The following AHCYL2 variants were observed in gnomAD, a reference collection of about 807,000 sequenced individuals.
AHCYL2 encodes the protein adenosylhomocysteinase like 2.
A neutral mutation model predicts 81.4 loss-of-function variants in AHCYL2; 28 were observed. The ratio of observed to expected loss-of-function variants is 0.34; its 90% CI spans 0.25 to 0.47. The LOEUF is 0.47. AHCYL2 is among the 20% of genes least tolerant of loss of function. AHCYL2 has a pLI of 1.00. For missense variants in AHCYL2, 551 were observed against 785.1 expected (o/e 0.70, Z 3.56); for synonymous variants, 272 against 290.2 (o/e 0.94, Z 0.64).
At chr7:129,231,258 G>A (rs952449002) in intron 1 of AHCYL2, among the ~76,000 whole-genome samples, 4 of 151,792 alleles carry the variant, frequency 2.6e-5, no homozygotes, top group African/African-American at 9.7e-5. Context: ...AAAAAAAAAA[G>A]CTGCTTTAGG....
At chr7:129,271,189 G>T (rs1383552244) in intron 1 of AHCYL2, among the ~76,000 whole-genome samples, 2 of 151,614 alleles carry the variant, frequency 1.3e-5, no homozygotes, top group African/African-American at 2.4e-5. Flanking sequence ...GTGAAATCCC[G>T]TTTCTACTAA....
chr7:129,406,042 T>C lies in AHCYL2; in HGVS notation c.1206+143T>C. The C allele has an allele frequency of 1.3e-6, 1 of 791,930 alleles. No individual in the cohort carries two copies. The highest frequency in any genetic ancestry group is 2.6e-5 in the East Asian group (1 of 37,874). 49.1% of individuals were successfully genotyped at this position (791,930 alleles called of 1,614,324 possible). ...AATTTCAGAGGCCTTCTGGTTGAAG[T>C]AGACTTTCTTTTTCCCTTTGCGTTG... On this transcript the variant is annotated intron_variant, in intron 9 of 16. Coordinates refer to ENST00000325006, the MANE Select transcript of AHCYL2 (RefSeq NM_015328.4). The surrounding 1 kb of genome is among the most constrained non-coding windows in gnomAD (Gnocchi z 4.3).
In AHCYL2 at chr7:129,430,011, C is replaced by G. The variant is rs183793611; in HGVS notation, c.*2966C>G. The G allele has an allele frequency of 2.1e-3, 318 of 149,936 alleles. 1 individual carries two copies. Among genetic ancestry groups the G allele is most frequent in the African/African-American group, 7.3e-3 (295 of 40,546 alleles). The allele number at this position is 149,936 out of a possible 1,614,324, so 9.3% of individuals were successfully genotyped here. A position where few individuals can be genotyped will look rare whatever the true frequency, so the allele number is the denominator to read the frequency against. On this transcript the variant is annotated 3_prime_UTR_variant, in exon 17 of 17. Coordinates refer to ENST00000325006, the MANE Select transcript of AHCYL2 (RefSeq NM_015328.4). ...ATTATATGTGGACAGGTTCTAAACT[C>G]TATATATACATATATATATATATAT...
chr7:129,397,605 T>C (rs34285950), intron 5 of AHCYL2, among the ~76,000 whole-genome samples: 3,673 of 152,330 alleles, frequency 0.024, 76 homozygotes, highest in Admixed American at 0.057. Context: ...AGCAGAGCAC[T>C]AGTGAACACT....
At chr7:129,422,384 A>G (rs1055771373) in intron 12 of AHCYL2, among the ~76,000 whole-genome samples, 18 of 152,116 alleles carry the variant, frequency 1.2e-4, no homozygotes, top group Non-Finnish European at 4.4e-5. Flanking sequence ...CCACTCAGCT[A>G]TGTTCCTCCT....
chr7:129,288,343 A>G (rs1378713294), intron 1 of AHCYL2, among the ~76,000 whole-genome samples: 2 of 151,550 alleles, frequency 1.3e-5, no homozygotes, highest in African/African-American at 4.9e-5. Context: ...GTAAATTTGT[A>G]TTTGTATTTA....
intron 1 of AHCYL2, among the ~76,000 whole-genome samples, chr7:129,280,945 A>T (rs952590439): frequency 4.5e-5 from 1 of 22,276 alleles, no homozygotes. Context: ...GCTCACTGCA[A>T]CCTCTGCCTC....
chr7:129,426,334 T>C lies in AHCYL2; in HGVS notation c.1709-109T>C. Reference sequence around the variant, plus strand: ...GAAGGTTGAACATTTTTCATTCAGCTCCAGGAATTAGAAGGTGTCTTTGAA... The same window carrying C: ...GAAGGTTGAACATTTTTCATTCAGCCCCAGGAATTAGAAGGTGTCTTTGAA... On this transcript the variant is annotated intron_variant, in intron 15 of 16. Transcript: ENST00000325006. This position sits in a 1 kb window ranked among gnomAD's most constrained non-coding sequence, Gnocchi z 4.3. 1 of 1,536,308 alleles carries C rather than the reference T, an allele frequency of 6.5e-7. No individual in the cohort carries two copies. The highest frequency in any genetic ancestry group is 9.0e-7 in the Non-Finnish European group (1 of 1,112,430).
At chr7:129,337,201 A>G (rs956071276) in intron 1 of AHCYL2, among the ~76,000 whole-genome samples, 13 of 151,934 alleles carry the variant, frequency 8.6e-5, no homozygotes, top group African/African-American at 2.4e-4. Context: ...CACTATTACT[A>G]TTTTTTTGAG....
chr7:129,395,961 CCT>C (rs1485248783), intron 4 of AHCYL2, among the ~76,000 whole-genome samples: 5 of 152,176 alleles, frequency 3.3e-5, no homozygotes, highest in Non-Finnish European at 5.9e-5. Context: ...AACAGTCTTC[CCT>C]CTCTCTTTAA....
chr7:129,328,955 A>G (rs1041217359), intron 1 of AHCYL2, among the ~76,000 whole-genome samples: 3 of 152,178 alleles, frequency 2.0e-5, no homozygotes, highest in Admixed American at 6.5e-5. Context: ...TGCCTCTAAT[A>G]TAGTGTTCTC....
chr7:129,352,937 C>CTTTTTTTTTTTTTTTTTTTTTT (rs59762582), intron 1 of AHCYL2, among the ~76,000 whole-genome samples: 1 of 82,556 alleles, frequency 1.2e-5, no homozygotes, highest in Non-Finnish European at 2.2e-5. Context: ...CCTCCTCATT[C>CTTTTTTTTTTTTTTTTTTTTTT]TTTTTTTTTT....
chr7:129,246,038 A>C (rs1301357165), intron 1 of AHCYL2, among the ~76,000 whole-genome samples: 1 of 151,956 alleles, frequency 6.6e-6, no homozygotes, highest in Non-Finnish European at 1.5e-5. Flanking sequence ...AGTCATCCTA[A>C]TAGGTGTGAA....
chr7:129,269,312 G>A (rs1795922151), intron 1 of AHCYL2, among the ~76,000 whole-genome samples: 1 of 151,150 alleles, frequency 6.6e-6, no homozygotes, highest in Non-Finnish European at 1.5e-5. Context: ...TTGAGACAGA[G>A]TCTTGCTCTA....
intron 1 of AHCYL2, among the ~76,000 whole-genome samples, chr7:129,230,145 C>T (rs1021322274): frequency 8.3e-5 from 11 of 132,656 alleles, no homozygotes; most frequent in African/African-American, 2.3e-4. Context: ...AGTGCAGTGG[C>T]GATCTCGGCT....
chr7:129,313,550 A>T (rs892000619), intron 1 of AHCYL2, among the ~76,000 whole-genome samples: 1 of 152,212 alleles, frequency 6.6e-6, no homozygotes, highest in Admixed American at 6.5e-5. Flanking sequence ...GGACAGCCAG[A>T]CAGACAAAGG....
intron 6 of AHCYL2, 39 bp downstream of exon 6, chr7:129,400,423 A>T (rs1795976998): frequency 6.3e-7 from 1 of 1,585,368 alleles, no homozygotes; most frequent in African/African-American, 1.3e-5. Context: ...TGTAGGGGTC[A>T]GGAATGGGGA....
At chr7:129,239,770 A>G (rs182863083) in intron 1 of AHCYL2, among the ~76,000 whole-genome samples, 182 of 152,192 alleles carry the variant, frequency 1.2e-3, no homozygotes, top group Non-Finnish European at 2.0e-3. Flanking sequence ...GCACAGATAT[A>G]TAGAGACAGA....
At chr7:129,276,662 T>C (rs945886538) in intron 1 of AHCYL2, among the ~76,000 whole-genome samples, 1 of 150,028 alleles carries the variant, frequency 6.7e-6, no homozygotes, top group African/African-American at 2.4e-5. Context: ...GGCATGAGAA[T>C]TGCTTAAACC....
Sources: allele counts gnomAD v4.1 joint callset (sites outside exome capture counted in the v4.1 genomes callset), GRCh38; gene constraint gnomAD v4.1.1; non-coding constraint Gnocchi (gnomAD v3.1); transcripts MANE v1.5; gene names NCBI Gene and HGNC (gene_info 2026-07-23, HGNC 2026-07-21).